The following CCDC141 variants were observed in gnomAD, a reference collection of about 807,000 sequenced individuals.
The protein encoded by CCDC141 is coiled-coil domain-containing protein 141.
CCDC141 carries 168 observed loss-of-function variants against 181.0 expected under a neutral mutation model. That is an observed-to-expected ratio of 0.93 (90% CI 0.82 to 1.05). The LOEUF (loss-of-function observed/expected upper bound fraction) is 1.05, where lower values mean the gene tolerates loss of function less well. Among genes scored for constraint, CCDC141 ranks in the 50% least tolerant of loss-of-function variants. The pLI is 0.00. For synonymous variants in CCDC141, 666 were observed against 642.3 expected (o/e 1.04, Z -0.56); for missense variants, 1,902 against 1,788.5 (o/e 1.06, Z -1.14).
intron 2 of CCDC141, among the ~76,000 whole-genome samples, chr2:179,011,325 T>C (rs1013534780): frequency 2.0e-5 from 3 of 152,134 alleles, no homozygotes; most frequent in Non-Finnish European, 4.4e-5. Context: ...TTAGCTATCA[T>C]TATATCAGAC....
At chr2:179,010,986 G>A (rs1486681518) in intron 2 of CCDC141, among the ~76,000 whole-genome samples, 3 of 151,926 alleles carry the variant, frequency 2.0e-5, no homozygotes, top group Non-Finnish European at 2.9e-5. Flanking sequence ...GTGAAACCCT[G>A]ACTCTACTAA....
At chr2:179,031,384 CTCTT>C (rs1358281883) in intron 2 of CCDC141, among the ~76,000 whole-genome samples, 2 of 151,724 alleles carry the variant, frequency 1.3e-5, no homozygotes, top group South Asian at 2.1e-4. Flanking sequence ...AATTTTTGCC[CTCTT>C]TCTTTCCTTT....
rs1291565532 is a variant in CCDC141, at chr2:178,832,900, T to C, written c.*1273A>G. The C allele has an allele frequency of 6.6e-6, 1 of 152,172 alleles. No homozygotes were observed. Among genetic ancestry groups the C allele is most frequent in the Non-Finnish European group, 1.5e-5 (1 of 68,028 alleles). The allele number at this position is 152,172 out of a possible 1,614,324, so 9.4% of individuals were successfully genotyped here. On this transcript the variant is annotated 3_prime_UTR_variant, in exon 24 of 24. Transcript: ENST00000443758. The stretch of plus-strand genomic sequence containing the variant: ...TTTAAAAGGAAGCCAAAAAATGATC[T>C]TTTCTGAATAAAGTGTTTCAGAAAG...
Position 178,917,394 on chromosome 2 carries a change from G to C in CCDC141, c.1092+1319C>G, listed in dbSNP as rs79135841. On this transcript the variant is annotated intron_variant, in intron 7 of 23. Coordinates refer to ENST00000443758, the MANE Select transcript of CCDC141 (RefSeq NM_173648.4). ...TTCTTTAACATTTTACCACAATTTAGCAACTCTGTTTTGAAATTTTACTAT... is the reference window on the plus strand; with the variant it reads ...TTCTTTAACATTTTACCACAATTTACCAACTCTGTTTTGAAATTTTACTAT... 2.5e-3 allele frequency among the ~76,000 whole-genome samples: 376 copies of C among 152,076 alleles called. 3 individuals are homozygous for C. The highest frequency in any genetic ancestry group is 8.7e-3 in the African/African-American group (363 of 41,490).
intron 2 of CCDC141, among the ~76,000 whole-genome samples, chr2:178,989,476 C>G (rs1022282130): frequency 3.0e-4 from 46 of 151,668 alleles, no homozygotes; most frequent in African/African-American, 1.1e-3. Context: ...CACCTGTAAT[C>G]CTAGTTACTC....
Position 178,963,947 on chromosome 2 carries a change from G to A in CCDC141, c.527-2464C>T, listed in dbSNP as rs187844599. On this transcript the variant is annotated intron_variant, in intron 4 of 23. Transcript: ENST00000443758. Reference sequence around the variant, plus strand: ...TGTAAATAGCGTAAGAAAAGTCAGGGAGAACATTATAATTCAAGTCAATTT... The same window carrying A: ...TGTAAATAGCGTAAGAAAAGTCAGGAAGAACATTATAATTCAAGTCAATTT... Among the ~76,000 whole-genome samples, 267 of 152,258 alleles carry A rather than the reference G, an allele frequency of 1.8e-3. 1 individual carries two copies. The highest frequency in any genetic ancestry group is 2.1e-3 in the Non-Finnish European group (141 of 68,022).
intron 1 of CCDC141, among the ~76,000 whole-genome samples, chr2:179,047,702 C>T (rs530826410): frequency 5.9e-5 from 9 of 152,100 alleles, no homozygotes; most frequent in Non-Finnish European, 1.0e-4. Context: ...CAATGGATTA[C>T]GTATTATTGA....
At chr2:178,930,824 T>C (rs1465476593) in intron 6 of CCDC141, among the ~76,000 whole-genome samples, 1 of 152,232 alleles carries the variant, frequency 6.6e-6, no homozygotes, top group East Asian at 1.9e-4. Context: ...AACAAAGATC[T>C]AAATACATAC....
In CCDC141 at chr2:178,839,523, G is replaced by A. The variant is rs531652527; in HGVS notation, c.3475-1779C>T. 1.7e-4 allele frequency among the ~76,000 whole-genome samples: 23 copies of A among 132,066 alleles called. No homozygotes were observed. In the Admixed American group the frequency reaches 2.1e-3, roughly 12 times the overall value. The allele number at this position is 132,066 out of a possible 152,430, so 86.6% of individuals were successfully genotyped here. On this transcript the variant is annotated intron_variant, in intron 22 of 23. Coordinates refer to ENST00000443758, the MANE Select transcript of CCDC141 (RefSeq NM_173648.4). ...ACTCAGGCAGAGGTTGCAGTGAGCC[G>A]AGATCGAGATCGTGCCATTGTACCC...
Position 178,872,224 on chromosome 2 carries a change from A to G in CCDC141, c.1988T>C (p.Leu663Pro). Residue 663 changes from leucine to proline, a missense_variant, in exon 13 of 24, where the codon CTT (leucine) becomes CCT (proline). Leu to Pro is a moderately conservative substitution (Grantham distance 98). Transcript: ENST00000443758. ...CTGCCATGCCAGCCGAAGGAGGCTA[A>G]GTTCTTCCCGTTCTGCTTTCTGGTT... ...MENQKAEREE[L>P]SLLRLAWQLK... is the part of the protein sequence containing the mutation. The G allele has an allele frequency of 2.5e-6, 4 of 1,614,078 alleles. No individual in the cohort carries two copies. Among genetic ancestry groups the G allele is most frequent in the Non-Finnish European group, 3.4e-6 (4 of 1,179,962 alleles).
At chr2:178,976,072 C>T (rs573260446) in intron 3 of CCDC141, among the ~76,000 whole-genome samples, 53 of 152,118 alleles carry the variant, frequency 3.5e-4, no homozygotes, top group South Asian at 1.0e-3. Flanking sequence ...AGATGATTAA[C>T]GTGATGTTAA....
At chr2:178,815,443 AAC>A in the CCDC141 span, among the ~76,000 whole-genome samples, 1 of 152,174 alleles carries the variant, frequency 6.6e-6, no homozygotes, top group African/African-American at 2.4e-5. Context: ...AAGCTTTAGC[AAC>A]AGTTTCACCT....
At chr2:178,993,280 G>A (rs1692140444) in intron 2 of CCDC141, among the ~76,000 whole-genome samples, 1 of 152,124 alleles carries the variant, frequency 6.6e-6, no homozygotes. Context: ...CCAGACTGGG[G>A]AATTTACAAA....
chr2:178,887,480 C>T (rs1380084116), intron 9 of CCDC141, among the ~76,000 whole-genome samples: 1 of 152,270 alleles, frequency 6.6e-6, no homozygotes, highest in African/African-American at 2.4e-5. Flanking sequence ...TGTCCCCTCG[C>T]TCTAACTCTA....
chr2:179,004,327 C>T (rs2042064137), intron 2 of CCDC141, among the ~76,000 whole-genome samples: 1 of 152,060 alleles, frequency 6.6e-6, no homozygotes, highest in African/African-American at 2.4e-5. Context: ...TACCATATTG[C>T]CAATGCTTAT....
chr2:178,898,136 A>G (rs1292088221), intron 8 of CCDC141, among the ~76,000 whole-genome samples: 1 of 152,224 alleles, frequency 6.6e-6, no homozygotes, highest in Non-Finnish European at 1.5e-5. Context: ...AGAGGTAAAT[A>G]ACATGGTCAT....
chr2:178,979,714 GC>G (rs1691282349), intron 2 of CCDC141, among the ~76,000 whole-genome samples: 1 of 152,178 alleles, frequency 6.6e-6, no homozygotes, highest in African/African-American at 2.4e-5. Context: ...AATCACTGAT[GC>G]TTTAAAATGG....
At chr2:179,027,467 A>C (rs1486296521) in intron 2 of CCDC141, among the ~76,000 whole-genome samples, 1 of 151,354 alleles carries the variant, frequency 6.6e-6, no homozygotes, top group Non-Finnish European at 1.5e-5. Flanking sequence ...ACACGGTGAA[A>C]CCCTGTCTCT....
At chr2:178,997,909 GTC>G (rs1692361637) in intron 2 of CCDC141, among the ~76,000 whole-genome samples, 1 of 152,070 alleles carries the variant, frequency 6.6e-6, no homozygotes, top group Admixed American at 6.5e-5. Flanking sequence ...CCCTCAAGTG[GTC>G]TCTCTCTATT....
Sources: allele counts gnomAD v4.1 joint callset (sites outside exome capture counted in the v4.1 genomes callset), GRCh38; gene constraint gnomAD v4.1.1; transcripts MANE v1.5; gene names NCBI Gene and HGNC (gene_info 2026-07-23, HGNC 2026-07-21).